Variants in NEDD4L observed in about 807,000 individuals in gnomAD.
The protein encoded by NEDD4L is NEDD4 like E3 ubiquitin protein ligase.
A neutral mutation model predicts 148.9 loss-of-function variants in NEDD4L; 54 were observed. That is an observed-to-expected ratio of 0.36 (90% confidence interval 0.29 to 0.45). The LOEUF is 0.45. Ranked by LOEUF, NEDD4L falls within the 20% of genes least tolerant of loss-of-function variation. NEDD4L has a pLI of 1.00. For missense variants in NEDD4L, 856 were observed against 1,233.8 expected (o/e 0.69, Z 4.59); for synonymous variants, 433 against 440.7 (o/e 0.98, Z 0.22).
At chr18:58,163,514 G>A (rs776503795) in intron 1 of NEDD4L, among the ~76,000 whole-genome samples, 2 of 152,100 alleles carry the variant, frequency 1.3e-5, no homozygotes, top group African/African-American at 4.8e-5. Flanking sequence ...GCTATAGTAG[G>A]GTATTGTCTT....
At chr18:58,063,880 A>G (rs958838535) in intron 1 of NEDD4L, among the ~76,000 whole-genome samples, 2 of 151,438 alleles carry the variant, frequency 1.3e-5, no homozygotes, top group Non-Finnish European at 2.9e-5. Flanking sequence ...AAGCTTCGGT[A>G]AGGTAGAACC....
At chr18:58,231,872 G>A (rs1217544198) in intron 2 of NEDD4L, among the ~76,000 whole-genome samples, 1 of 152,180 alleles carries the variant, frequency 6.6e-6, no homozygotes, top group East Asian at 1.9e-4. Context: ...CCAACAAGTG[G>A]TTTAAATTGG....
At chr18:58,221,984 A>C (rs910736390) in intron 2 of NEDD4L, among the ~76,000 whole-genome samples, 1 of 152,210 alleles carries the variant, frequency 6.6e-6, no homozygotes, top group Non-Finnish European at 1.5e-5. Context: ...GAGCCTTGAA[A>C]AGAATTGGGA....
chr18:58,382,208 G>A (rs1217242078), intron 24 of NEDD4L, among the ~76,000 whole-genome samples: 1 of 152,214 alleles, frequency 6.6e-6, no homozygotes, highest in Non-Finnish European at 1.5e-5. Context: ...AGAGACCCAG[G>A]TGTGAGTGCT....
At chr18:58,117,345 C>T (rs916645494) in intron 1 of NEDD4L, among the ~76,000 whole-genome samples, 1 of 152,164 alleles carries the variant, frequency 6.6e-6, no homozygotes, top group African/African-American at 2.4e-5. Context: ...TTATCATATT[C>T]GAATTTGATT....
intron 1 of NEDD4L, among the ~76,000 whole-genome samples, chr18:58,055,601 A>T (rs762119437): frequency 1.9e-4 from 29 of 152,222 alleles, no homozygotes; most frequent in African/African-American, 5.8e-4. Flanking sequence ...TTTGTGTCTA[A>T]GGATTACCAG....
chr18:58,057,948 T>C (rs574881449), intron 1 of NEDD4L, among the ~76,000 whole-genome samples: 5 of 152,236 alleles, frequency 3.3e-5, no homozygotes, highest in African/African-American at 9.6e-5. Flanking sequence ...CACACTGGGA[T>C]TGTGGGACTC....
In NEDD4L at chr18:58,395,012, T is replaced by C. The variant is rs756830369; in HGVS notation, c.2826-1155T>C. Among the ~76,000 whole-genome samples, 3 of 152,308 alleles carry C rather than the reference T, an allele frequency of 2.0e-5. No homozygotes were observed. The South Asian group carries it at 6.2e-4, about 32-fold the overall frequency. On this transcript the variant is annotated intron_variant, in intron 30 of 30. Transcript: ENST00000400345. ...GGGCTGTACCTGGCCCCGTGTGACC[T>C]TGGGCAAGTTACCTAACCTTGCTGT...
chr18:58,073,088 A>C (rs1418026730), intron 1 of NEDD4L, among the ~76,000 whole-genome samples: 1 of 152,230 alleles, frequency 6.6e-6, no homozygotes, highest in Non-Finnish European at 1.5e-5. Flanking sequence ...AAGGAAAGTA[A>C]AGAAGACCTA....
intron 5 of NEDD4L, among the ~76,000 whole-genome samples, chr18:58,286,527 A>G (rs2149047749): frequency 6.6e-6 from 1 of 152,310 alleles, no homozygotes; most frequent in East Asian, 1.9e-4. Context: ...CATCCTGTGA[A>G]GACAATAAAT....
At chr18:58,148,163 C>CTTTT (rs58114617) in intron 1 of NEDD4L, among the ~76,000 whole-genome samples, 2 of 141,918 alleles carry the variant, frequency 1.4e-5, no homozygotes, top group Non-Finnish European at 1.5e-5. Flanking sequence ...CCACACTGTT[C>CTTTT]TTTTTTTTTT....
chr18:58,311,250 C>G (rs1347328343), intron 5 of NEDD4L, among the ~76,000 whole-genome samples: 3 of 152,180 alleles, frequency 2.0e-5, no homozygotes, highest in Non-Finnish European at 2.9e-5. Flanking sequence ...CTGATATTTT[C>G]TGTTCTATAT....
rs143111063 is a variant in NEDD4L, at chr18:58,114,753, G to A, written c.49-51035G>A. ...GCTGTGTTCCTCCCGGAGGCTCTAGGAGAGGATCCCCTTGCCTTTCCCAGT... is the reference window on the plus strand; with the variant it reads ...GCTGTGTTCCTCCCGGAGGCTCTAGAAGAGGATCCCCTTGCCTTTCCCAGT... On this transcript the variant is annotated intron_variant, in intron 1 of 30. Transcript: ENST00000400345. Among the ~76,000 whole-genome samples, 37 of 152,332 alleles carry A rather than the reference G, an allele frequency of 2.4e-4. 2 individuals are homozygous for A. In the East Asian group the frequency reaches 6.7e-3, roughly 28 times the overall value.
At chr18:58,161,126 C>A (rs2036153633) in intron 1 of NEDD4L, among the ~76,000 whole-genome samples, 1 of 152,106 alleles carries the variant, frequency 6.6e-6, no homozygotes. Context: ...AAGCGATTCT[C>A]CTGCCTCCAT....
In NEDD4L at chr18:58,109,569, T is replaced by TTG. The variant is rs377561180; in HGVS notation, c.49-56218_49-56217insGT. ...TTGGGAACAACTAGGAGGTTTTTTT[T>TTG]TTGTTTTTTTTTTTTTTTTTGAGAC... On this transcript the variant is annotated intron_variant, in intron 1 of 30. Coordinates refer to ENST00000400345, the MANE Select transcript of NEDD4L (RefSeq NM_001144967.3). Among the ~76,000 whole-genome samples, 100 of 146,502 alleles carry TTG rather than the reference T, an allele frequency of 6.8e-4. 1 individual carries two copies. Among genetic ancestry groups the TTG allele is most frequent in the Middle Eastern group, 3.5e-3 (1 of 288 alleles).
intron 2 of NEDD4L, among the ~76,000 whole-genome samples, chr18:58,234,050 T>TTTCC (rs201168566): frequency 0.12 from 10,408 of 84,952 alleles, 491 homozygotes; most frequent in East Asian, 0.16. Flanking sequence ...TTTCCTTTTC[T>TTTCC]TTCTTTCTTT....
intron 2 of NEDD4L, among the ~76,000 whole-genome samples, chr18:58,199,644 G>A (rs1044413619): frequency 6.6e-6 from 1 of 152,176 alleles, no homozygotes; most frequent in African/African-American, 2.4e-5. Flanking sequence ...CTATATAGAT[G>A]AAGGTTGGTT....
Position 58,285,943 on chromosome 18 carries a change from G to C in NEDD4L, c.298-30039G>C, listed in dbSNP as rs145980828. Reference sequence around the variant, plus strand: ...ATAGAACATTATGTTCTAAGGTACAGTTTGCTCACCTATGAAAAGAATTTA... The same window carrying C: ...ATAGAACATTATGTTCTAAGGTACACTTTGCTCACCTATGAAAAGAATTTA... On this transcript the variant is annotated intron_variant, in intron 5 of 30. Transcript: ENST00000400345. Among the ~76,000 whole-genome samples, 46 of 152,338 alleles carry C rather than the reference G, an allele frequency of 3.0e-4. 1 individual carries two copies. The highest frequency in any genetic ancestry group is 9.1e-4 in the African/African-American group (38 of 41,578).
At chr18:58,355,778 T>G (rs1016805682) in intron 18 of NEDD4L, among the ~76,000 whole-genome samples, 1 of 151,806 alleles carries the variant, frequency 6.6e-6, no homozygotes, top group African/African-American at 2.4e-5. Flanking sequence ...CAAAAGATTC[T>G]AGAATCATCA....
Sources: allele counts gnomAD v4.1 joint callset (sites outside exome capture counted in the v4.1 genomes callset), GRCh38; gene constraint gnomAD v4.1.1; transcripts MANE v1.5; gene names NCBI Gene and HGNC (gene_info 2026-07-23, HGNC 2026-07-21).